PARVB: variants seen among roughly 807,000 people sequenced by gnomAD.
PARVB encodes parvin beta.
A neutral mutation model predicts 47.0 loss-of-function variants in PARVB; 46 were observed. The observed-to-expected ratio is 0.98, with a 90% CI of 0.77 to 1.25. PARVB has a LOEUF of 1.25. Ranked by LOEUF, PARVB falls within the 50% of genes most tolerant of loss-of-function variation. The pLI is 0.00. For synonymous variants in PARVB, 196 were observed against 196.3 expected, an observed-to-expected ratio of 1.00 and a Z score of 0.01; for missense variants, 473 against 471.6, an observed-to-expected ratio of 1.00 and a Z score of -0.03.
chr22:44,010,018 G>C (rs2050506478), intron 2 of PARVB, among the ~76,000 whole-genome samples: 1 of 151,988 alleles, frequency 6.6e-6, no homozygotes, highest in African/African-American at 2.4e-5. Flanking sequence ...ATCTTGGCCA[G>C]GCTGATCTTG....
At chr22:44,117,172 CTTAGGGGGTCCTGGG>C (rs1308069380) in intron 3 of PARVB, among the ~76,000 whole-genome samples, 1 of 152,086 alleles carries the variant, frequency 6.6e-6, no homozygotes, top group Non-Finnish European at 1.5e-5. Flanking sequence ...GGGCCCTGTG[CTTAGGGGGTCCTGGG>C]TTAGGGACGG....
chr22:44,110,581 T>C (rs528303987), intron 3 of PARVB: 2 of 152,186 alleles, frequency 1.3e-5, no homozygotes, highest in East Asian at 3.9e-4. Flanking sequence ...AATTTACATA[T>C]GCATTTTATT....
intron 1 of PARVB, among the ~76,000 whole-genome samples, chr22:44,027,178 G>C (rs1034557364): frequency 1.3e-5 from 2 of 152,166 alleles, no homozygotes; most frequent in Non-Finnish European, 2.9e-5. Flanking sequence ...CTCTGGGGAC[G>C]TGAAAGGACA....
rs73888849 is a variant in PARVB at position 44,075,591 on chromosome 22, C to T, written c.113-18337C>T. Among the ~76,000 whole-genome samples the T allele has an allele frequency of 4.0e-3, 607 of 152,282 alleles. 4 individuals are homozygous for T. Among genetic ancestry groups the T allele is most frequent in the African/African-American group, 0.014 (572 of 41,562 alleles). On this transcript the variant is annotated intron_variant, in intron 1 of 12. Coordinates refer to ENST00000338758, the MANE Select transcript of PARVB (RefSeq NM_013327.5). ...ACTGCCCTGAGATCCCCGTGCCCCACCTGCTCATCCCTGTCTCCCTCTCAC... is the reference window on the plus strand; with the variant it reads ...ACTGCCCTGAGATCCCCGTGCCCCATCTGCTCATCCCTGTCTCCCTCTCAC...
At chr22:44,140,093 C>A in intron 7 of PARVB, 31 bp from the exon 8 acceptor site, 4 of 1,136,222 alleles carry the variant, frequency 3.5e-6, no homozygotes, top group Non-Finnish European at 3.4e-6. Flanking sequence ...AGTGACCCAT[C>A]TCATGGCTCT....
At position 44,024,460 on chromosome 22, in the gene PARVB, G is replaced by A; in HGVS notation, c.112+9G>A. 1 of 1,144,030 alleles carries A rather than the reference G, an allele frequency of 8.7e-7. No homozygotes were observed. Among genetic ancestry groups the A allele is most frequent in the East Asian group, 4.7e-5 (1 of 21,410 alleles). The allele number at this position is 1,144,030 out of a possible 1,614,324, so 70.9% of individuals were successfully genotyped here. A position where few individuals can be genotyped will look rare whatever the true frequency, so the allele number is the denominator to read the frequency against. ...GCGGAGGGCGCGCGAGGGTGAGTGC[G>A]CGCCCGCGCCCGCCGACCCCCGGGG... is the stretch of plus-strand genomic sequence containing the variant. On this transcript the variant is annotated intron_variant, in intron 1 of 12. Transcript: ENST00000338758.
intron 2 of PARVB, among the ~76,000 whole-genome samples, chr22:44,013,570 G>T (rs2050546452): frequency 6.6e-6 from 1 of 152,200 alleles, no homozygotes; most frequent in South Asian, 2.1e-4. Flanking sequence ...GATTCACGCA[G>T]TCTGTGCTCT....
At chr22:44,053,499 G>A (rs1256083662) in intron 1 of PARVB, among the ~76,000 whole-genome samples, 2 of 152,184 alleles carry the variant, frequency 1.3e-5, no homozygotes, top group African/African-American at 2.4e-5. Flanking sequence ...CAGGTAGCGG[G>A]GATGCCTGGG....
intron 1 of PARVB, among the ~76,000 whole-genome samples, chr22:44,066,820 C>CA (rs1555898511): frequency 5.3e-4 from 65 of 121,776 alleles, no homozygotes; most frequent in Non-Finnish European, 3.3e-4. Context: ...CCTCCTCCTC[C>CA]TCTTCCTCCT....
chr22:44,122,556 C>CAGAG (rs1569134550), intron 4 of PARVB, among the ~76,000 whole-genome samples: 6 of 46,076 alleles, frequency 1.3e-4, no homozygotes, highest in South Asian at 8.4e-4. Flanking sequence ...GAGAGAGACA[C>CAGAG]AGAGACAGAG....
At chr22:44,116,665 G>A (rs1448764587) in intron 3 of PARVB, among the ~76,000 whole-genome samples, 1 of 152,224 alleles carries the variant, frequency 6.6e-6, no homozygotes, top group Non-Finnish European at 1.5e-5. Flanking sequence ...GTCTAACAGG[G>A]GAGAGCCTTT....
intron 6 of PARVB, among the ~76,000 whole-genome samples, chr22:44,135,343 C>T (rs12484027): frequency 0.12 from 18,579 of 152,160 alleles, 1,634 homozygotes; most frequent in South Asian, 0.26. Context: ...ACTGCAACCT[C>T]TGCCTCCTGG....
At chr22:44,002,437 C>T (rs1404507792) in intron 2 of PARVB, among the ~76,000 whole-genome samples, 1 of 152,150 alleles carries the variant, frequency 6.6e-6, no homozygotes, top group Non-Finnish European at 1.5e-5. Context: ...ATGGGGTAGT[C>T]GAGCCTATCA....
At chr22:44,014,214 AT>A (rs1164222497) in intron 2 of PARVB, among the ~76,000 whole-genome samples, 1 of 152,204 alleles carries the variant, frequency 6.6e-6, no homozygotes, top group Admixed American at 6.5e-5. Context: ...GCAGGCCCAG[AT>A]TCTCCAAGGC....
At chr22:44,080,466 C>A (rs766215253) in intron 1 of PARVB, among the ~76,000 whole-genome samples, 6 of 152,226 alleles carry the variant, frequency 3.9e-5, no homozygotes, top group Non-Finnish European at 8.8e-5. Context: ...CCCGATCTTT[C>A]TCTGTCTCCT....
chr22:44,006,677 C>T (rs1378132366), intron 2 of PARVB, among the ~76,000 whole-genome samples: 1 of 152,144 alleles, frequency 6.6e-6, no homozygotes, highest in Non-Finnish European at 1.5e-5. Flanking sequence ...CCCAGCCCAC[C>T]CTGTGGTTTT....
At chr22:44,151,790 C>T (rs566737070) in intron 10 of PARVB, 9 of 475,732 alleles carry the variant, frequency 1.9e-5, no homozygotes, top group Admixed American at 3.3e-5. Context: ...TTTGTGTCCT[C>T]GAAGTGCTGG....
intron 4 of PARVB, chr22:44,120,011 A>G (rs2053007685): frequency 5.1e-6 from 2 of 394,128 alleles, no homozygotes; most frequent in South Asian, 3.7e-5. Flanking sequence ...GTCATGTCTC[A>G]TTGTCACAAT....
At chr22:44,063,239 T>TG (rs2051453241) in intron 1 of PARVB, among the ~76,000 whole-genome samples, 1 of 151,532 alleles carries the variant, frequency 6.6e-6, no homozygotes, top group South Asian at 2.1e-4. Context: ...TTCTTTTTTT[T>TG]TTTTTGAGAT....
Sources: allele counts gnomAD v4.1 joint callset (sites outside exome capture counted in the v4.1 genomes callset), GRCh38; gene constraint gnomAD v4.1.1; transcripts MANE v1.5; gene names NCBI Gene and HGNC (gene_info 2026-07-23, HGNC 2026-07-21).